KIAA1549L: variants seen among roughly 807,000 people sequenced by gnomAD.
KIAA1549L encodes the protein UPF0606 protein KIAA1549L.
KIAA1549L carries 88 observed loss-of-function variants against 160.7 expected under a neutral mutation model. The ratio of observed to expected loss-of-function variants is 0.55; its 90% CI spans 0.46 to 0.65. KIAA1549L has a LOEUF of 0.65. KIAA1549L is among the 30% of genes least tolerant of loss of function. KIAA1549L has a pLI of 0.00. For missense variants in KIAA1549L, 2,258 were observed against 2,437.5 expected (o/e 0.93, Z 1.55); for synonymous variants, 950 against 976.7 (o/e 0.97, Z 0.51).
intron 13 of KIAA1549L, among the ~76,000 whole-genome samples, chr11:33,603,849 A>G (rs1850428142): frequency 6.6e-6 from 1 of 151,722 alleles, no homozygotes; most frequent in African/African-American, 2.4e-5. Flanking sequence ...TGGCTGGAGC[A>G]GAGCAGATGA....
At chr11:33,583,614 G>A in intron 11 of KIAA1549L, 113 bp downstream of exon 11, 3 of 965,158 alleles carry the variant, frequency 3.1e-6, no homozygotes, top group Non-Finnish European at 4.5e-6. Flanking sequence ...CATCAGGGCA[G>A]GTCCTCATTT....
intron 1 of KIAA1549L, among the ~76,000 whole-genome samples, chr11:33,401,810 C>T (rs1042718488): frequency 6.6e-6 from 1 of 152,166 alleles, no homozygotes; most frequent in Non-Finnish European, 1.5e-5. Context: ...CCATGGCGCT[C>T]TAGAAAGTTC....
intron 20 of KIAA1549L, among the ~76,000 whole-genome samples, chr11:33,664,956 C>T (rs1029077159): frequency 4.6e-5 from 7 of 152,312 alleles, no homozygotes; most frequent in African/African-American, 1.7e-4. Flanking sequence ...TCAAACGGGA[C>T]ATGCAGACTC....
chr11:33,667,952 ACAGC>A lies in KIAA1549L; in HGVS notation c.6250_6253del (p.Ala2084ThrfsTer31). The A allele has an allele frequency of 1.9e-6, 3 of 1,613,836 alleles. No individual in the cohort carries two copies. Among genetic ancestry groups the A allele is most frequent in the Non-Finnish European group, 1.7e-6 (2 of 1,179,858 alleles). On this transcript the variant is annotated frameshift_variant, in exon 21 of 21. Coordinates refer to ENST00000658780, the MANE Select transcript of KIAA1549L (RefSeq NM_012194.3). LOFTEE classifies it high-confidence loss of function. Reference sequence around the variant, plus strand: ...TCTCCCTCCAGGCTTCCTCGTCAGTACAGCCAGCCAGCCAACCTGCACCCCAGCC... The same window carrying A: ...TCTCCCTCCAGGCTTCCTCGTCAGTACAGCCAGCCAACCTGCACCCCAGCC...
At chr11:33,648,118 C>A (rs971962127) in intron 17 of KIAA1549L, among the ~76,000 whole-genome samples, 1 of 152,120 alleles carries the variant, frequency 6.6e-6, no homozygotes, top group African/African-American at 2.4e-5. Flanking sequence ...CCTCAGCCTC[C>A]CGAGTAGCTG....
chr11:33,667,491 C>G (rs941256640), intron 20 of KIAA1549L, among the ~76,000 whole-genome samples: 3 of 151,952 alleles, frequency 2.0e-5, no homozygotes, highest in Admixed American at 2.0e-4. Context: ...CTCCCGGGTT[C>G]AAGTGACTCT....
At chr11:33,439,809 C>T (rs1851458861) in intron 1 of KIAA1549L, among the ~76,000 whole-genome samples, 1 of 152,060 alleles carries the variant, frequency 6.6e-6, no homozygotes, top group Admixed American at 6.5e-5. Context: ...AAAACAGCCA[C>T]ATAGCTTTAC....
rs558377475 is a variant in KIAA1549L at position 33,407,960 on chromosome 11, C to G, written c.238+31071C>G. ...AACTTCCTACTGGGAATGACCCGTT[C>G]CTGCAGGGTCTCACCTTCCAAGCCC... is the stretch of plus-strand genomic sequence containing the variant. On this transcript the variant is annotated intron_variant, in intron 1 of 20. Transcript: ENST00000658780. Among the ~76,000 whole-genome samples the G allele has an allele frequency of 2.6e-5, 4 of 152,288 alleles. No homozygotes were observed. In the South Asian group the frequency reaches 8.3e-4, roughly 32 times the overall value.
intron 1 of KIAA1549L, chr11:33,403,462 C>G (rs1850577301): frequency 7.7e-6 from 1 of 129,362 alleles, no homozygotes; most frequent in Admixed American, 7.9e-5. Flanking sequence ...CACAGGGACA[C>G]AGACGCAGAA....
At chr11:33,644,889 A>C (rs1851674756) in intron 16 of KIAA1549L, among the ~76,000 whole-genome samples, 2 of 152,240 alleles carry the variant, frequency 1.3e-5, no homozygotes, top group South Asian at 4.1e-4. Context: ...GATGGCACAG[A>C]AGCCTCAGAG....
At chr11:33,472,107 CT>C (rs1852190364) in intron 1 of KIAA1549L, among the ~76,000 whole-genome samples, 2 of 151,752 alleles carry the variant, frequency 1.3e-5, no homozygotes, top group Admixed American at 6.6e-5. Flanking sequence ...CCTTCCTTTC[CT>C]TTTTTTCCTT....
intron 1 of KIAA1549L, among the ~76,000 whole-genome samples, chr11:33,398,881 T>A (rs1850439845): frequency 6.6e-6 from 1 of 152,200 alleles, no homozygotes; most frequent in African/African-American, 2.4e-5. Context: ...TTAAAAAGAC[T>A]TAATAATCAG....
intron 1 of KIAA1549L, among the ~76,000 whole-genome samples, chr11:33,430,860 C>G (rs1465220724): frequency 6.6e-6 from 1 of 152,214 alleles, no homozygotes; most frequent in Non-Finnish European, 1.5e-5. Context: ...TTTGTTGAAT[C>G]AACTTTTGAA....
At chr11:33,444,551 T>C (rs561929299) in intron 1 of KIAA1549L, among the ~76,000 whole-genome samples, 1 of 152,330 alleles carries the variant, frequency 6.6e-6, no homozygotes, top group Non-Finnish European at 1.5e-5. Flanking sequence ...GACTTACTTT[T>C]CATTGTGTGT....
At chr11:33,569,999 TC>T (rs1178884938) in intron 9 of KIAA1549L, among the ~76,000 whole-genome samples, 107 of 61,026 alleles carry the variant, frequency 1.8e-3, no homozygotes, top group African/African-American at 4.9e-3. Flanking sequence ...TCTCTCTCTC[TC>T]TCTCTCTTTT....
At chr11:33,638,359 C>T (rs987691693) in intron 16 of KIAA1549L, among the ~76,000 whole-genome samples, 8 of 135,020 alleles carry the variant, frequency 5.9e-5, no homozygotes, top group Non-Finnish European at 1.3e-4. Context: ...TCAGTATGTA[C>T]TCTTTTGTGT....
intron 15 of KIAA1549L, among the ~76,000 whole-genome samples, chr11:33,614,538 A>C (rs1291791478): frequency 0.28 from 1,493 of 5,286 alleles, 404 homozygotes; most frequent in Non-Finnish European, 0.32. Flanking sequence ...CAAGATATAT[A>C]TATATATATA....
intron 8 of KIAA1549L, among the ~76,000 whole-genome samples, chr11:33,567,432 T>C (rs766379837): frequency 1.3e-5 from 2 of 152,180 alleles, no homozygotes; most frequent in African/African-American, 2.4e-5. Context: ...GCTCACTCTT[T>C]CCATTCAGCC....
At chr11:33,560,916 AGAT>A (rs1410778478) in intron 7 of KIAA1549L, among the ~76,000 whole-genome samples, 6 of 152,312 alleles carry the variant, frequency 3.9e-5, no homozygotes, top group African/African-American at 1.4e-4. Flanking sequence ...TTTAGGGAAA[AGAT>A]GATGTCATAA....
Sources: gnomAD v4.1 joint callset for allele counts (sites outside exome capture counted in the v4.1 genomes callset) on GRCh38, gnomAD v4.1.1 for gene constraint, MANE v1.5 for transcripts, NCBI Gene and HGNC (gene_info 2026-07-23, HGNC 2026-07-21) for gene names.